Variants in SNTG2 observed in about 807,000 individuals in gnomAD.
SNTG2 encodes syntrophin gamma 2.
In SNTG2, 74 loss-of-function variants were observed where a neutral mutation model predicts 70.9. The observed-to-expected ratio is 1.04, with a 90% CI of 0.86 to 1.27. SNTG2 has a LOEUF of 1.27. Ranked by LOEUF, SNTG2 falls within the 50% of genes most tolerant of loss-of-function variation. The pLI, the probability that SNTG2 is intolerant of heterozygous loss-of-function variation, is 0.00. For synonymous variants in SNTG2, 278 were observed against 273.8 expected (o/e 1.02, Z -0.15); for missense variants, 717 against 690.7 (o/e 1.04, Z -0.43).
intron 11 of SNTG2, among the ~76,000 whole-genome samples, chr2:1,244,695 C>CA (rs558051455): frequency 0.021 from 1,834 of 88,318 alleles, 54 homozygotes; most frequent in Middle Eastern, 0.056. Context: ...GACTCCATCT[C>CA]AAAAAAAAAA....
chr2:1,247,198 C>T (rs1175276239), intron 11 of SNTG2, 129 bp from the exon 12 acceptor site: 3 of 596,756 alleles, frequency 5.0e-6, no homozygotes, highest in Non-Finnish European at 9.1e-6. Context: ...GACATCTCCA[C>T]GTTTCTCCCG....
rs576767469 is a variant in SNTG2 at position 1,310,273 on chromosome 2, C to T, written c.1377+1687C>T. The stretch of plus-strand genomic sequence containing the variant: ...AACGCTGGCCCACCGGCCCCATTGC[C>T]TGGGCCAGCACTCACCAGGGGCATT... On this transcript the variant is annotated intron_variant, in intron 15 of 16. Transcript: ENST00000308624. Among the ~76,000 whole-genome samples the T allele has an allele frequency of 7.9e-5, 12 of 152,292 alleles. No individual in the cohort carries two copies. In the East Asian group the frequency reaches 2.1e-3, roughly 27 times the overall value.
At chr2:1,304,551 C>A (rs938284039) in intron 14 of SNTG2, among the ~76,000 whole-genome samples, 1 of 152,064 alleles carries the variant, frequency 6.6e-6, no homozygotes, top group Admixed American at 6.6e-5. Context: ...CATGGTGAAA[C>A]CCCATGTCTA....
chr2:1,100,652 C>G (rs1232883472), intron 4 of SNTG2, among the ~76,000 whole-genome samples: 1 of 152,116 alleles, frequency 6.6e-6, no homozygotes, highest in African/African-American at 2.4e-5. Context: ...TCTTGTTGCA[C>G]CCCTGAAGCC....
intron 1 of SNTG2, among the ~76,000 whole-genome samples, chr2:975,386 C>T (rs1660877505): frequency 6.6e-6 from 1 of 152,232 alleles, no homozygotes. Flanking sequence ...CACGTGCTTG[C>T]ACTCACACTT....
intron 4 of SNTG2, 94 bp from the exon 5 acceptor site, chr2:1,137,528 C>T (rs535307671): frequency 2.5e-4 from 344 of 1,367,868 alleles, no homozygotes; most frequent in Non-Finnish European, 3.0e-4. Context: ...GTGGCCACTT[C>T]AGCTACTGCA....
Position 1,354,880 on chromosome 2 carries a change from T to G in SNTG2, c.1489-12463T>G, listed in dbSNP as rs546803966. On this transcript the variant is annotated intron_variant, in intron 16 of 16. Coordinates refer to ENST00000308624, the MANE Select transcript of SNTG2 (RefSeq NM_018968.4). The stretch of plus-strand genomic sequence containing the variant: ...TAAAATCTTATTTTTTCAGGGTTGG[T>G]AAATACCTCTGGGTAGACGTTTCAC... Among the ~76,000 whole-genome samples, 276 of 152,340 alleles carry G rather than the reference T, an allele frequency of 1.8e-3. 5 individuals carry two copies. In the South Asian group the frequency reaches 0.047, roughly 26 times the overall value.
At chr2:956,243 CGCCCCGCCCCTGCGCCTCCCCCTGCCCT>C (rs1558276864) in intron 1 of SNTG2, among the ~76,000 whole-genome samples, 7 of 113,442 alleles carry the variant, frequency 6.2e-5, no homozygotes, top group African/African-American at 2.5e-4. Flanking sequence ...ACCCCTGCCC[CGCCCCGCCCCTGCGCCTCCCCCTGCCCT>C]GCCCCTGCAC....
chr2:1,304,582 C>T (rs1365536185), intron 14 of SNTG2, among the ~76,000 whole-genome samples: 4 of 152,070 alleles, frequency 2.6e-5, no homozygotes, highest in Admixed American at 1.3e-4. Context: ...AAAAAATAGG[C>T]GGGCATGGTG....
intron 16 of SNTG2, among the ~76,000 whole-genome samples, chr2:1,361,708 T>C (rs34529182): frequency 0.37 from 12,443 of 33,360 alleles, 3,001 homozygotes; most frequent in East Asian, 0.65. Flanking sequence ...GTAGAACTTC[T>C]GTGAAGGTCA....
At chr2:1,155,834 A>G (rs13033665) in intron 6 of SNTG2, among the ~76,000 whole-genome samples, 130,834 of 152,072 alleles carry the variant, frequency 0.86, 56,769 homozygotes, top group Middle Eastern at 0.95. Flanking sequence ...GTGTGGACTT[A>G]GGAGCCCTGG....
intron 1 of SNTG2, among the ~76,000 whole-genome samples, chr2:981,834 C>T (rs1419174328): frequency 6.6e-6 from 1 of 152,200 alleles, no homozygotes; most frequent in Non-Finnish European, 1.5e-5. Flanking sequence ...CACAAATGCC[C>T]ATGCATGCAC....
intron 16 of SNTG2, among the ~76,000 whole-genome samples, chr2:1,360,865 G>C (rs1661102432): frequency 6.6e-6 from 1 of 152,176 alleles, no homozygotes; most frequent in African/African-American, 2.4e-5. Context: ...TACCATTGGA[G>C]CCTGATTCTG....
chr2:1,172,950 G>T, intron 7 of SNTG2, 142 bp from the exon 8 acceptor site: 1 of 700,518 alleles, frequency 1.4e-6, no homozygotes, highest in South Asian at 1.8e-5. Context: ...AGGCCATTGG[G>T]GATGACCCAG....
At chr2:1,113,476 G>A (rs567633708) in intron 4 of SNTG2, among the ~76,000 whole-genome samples, 11 of 151,854 alleles carry the variant, frequency 7.2e-5, no homozygotes, top group Non-Finnish European at 1.3e-4. Flanking sequence ...GAGAAGGGTC[G>A]TGTGTACTAA....
At chr2:1,092,810 T>C (rs1304894219) in intron 2 of SNTG2, among the ~76,000 whole-genome samples, 4 of 152,132 alleles carry the variant, frequency 2.6e-5, no homozygotes, top group Non-Finnish European at 4.4e-5. Flanking sequence ...CAGAAGATAA[T>C]GTGGAGATAG....
At chr2:985,302 T>C (rs1661268580) in intron 1 of SNTG2, among the ~76,000 whole-genome samples, 1 of 152,140 alleles carries the variant, frequency 6.6e-6, no homozygotes, top group Non-Finnish European at 1.5e-5. Context: ...TTTTTTTTTT[T>C]GGCAAATTTA....
chr2:1,209,444 A>T (rs1207504486), intron 9 of SNTG2, among the ~76,000 whole-genome samples: 2 of 152,256 alleles, frequency 1.3e-5, no homozygotes, highest in Non-Finnish European at 2.9e-5. Flanking sequence ...TACTAAGAAT[A>T]GTTCTATCTA....
At chr2:1,249,316 CT>C (rs1004648811) in intron 12 of SNTG2, among the ~76,000 whole-genome samples, 2 of 151,596 alleles carry the variant, frequency 1.3e-5, no homozygotes, top group Non-Finnish European at 2.9e-5. Flanking sequence ...CATTCACTTG[CT>C]TTTTTTTTCT....
Sources: allele counts gnomAD v4.1 joint callset (sites outside exome capture counted in the v4.1 genomes callset), GRCh38; gene constraint gnomAD v4.1.1; transcripts MANE v1.5; gene names NCBI Gene and HGNC (gene_info 2026-07-23, HGNC 2026-07-21).